The following AGBL4 variants were observed in gnomAD, a reference collection of about 807,000 sequenced individuals.
AGBL4 encodes the protein cytosolic carboxypeptidase 6.
AGBL4 carries 58 observed loss-of-function variants against 66.4 expected under a neutral mutation model. The ratio of observed to expected loss-of-function variants is 0.87; its 90% CI spans 0.71 to 1.09. AGBL4 has a LOEUF of 1.09. AGBL4 is among the 50% of genes least tolerant of loss of function. The pLI, the probability that AGBL4 is intolerant of heterozygous loss-of-function variation, is 0.00. For missense variants in AGBL4, 579 were observed against 631.0 expected, an observed-to-expected ratio of 0.92 and a Z score of 0.88; for synonymous variants, 234 against 222.9, an observed-to-expected ratio of 1.05 and a Z score of -0.44.
At chr1:48,579,373 GC>G (rs1644701596) in intron 11 of AGBL4, among the ~76,000 whole-genome samples, 1 of 151,506 alleles carries the variant, frequency 6.6e-6, no homozygotes, top group South Asian at 2.1e-4. Flanking sequence ...GATTACAGGG[GC>G]CCGCCAACAA....
At chr1:48,633,774 C>G (rs890628707) in intron 9 of AGBL4, among the ~76,000 whole-genome samples, 10 of 152,232 alleles carry the variant, frequency 6.6e-5, no homozygotes, top group African/African-American at 2.4e-4. Context: ...CTGTTTCTTA[C>G]AAACAAGAAC....
At chr1:48,780,231 C>T (rs1228972388) in intron 6 of AGBL4, among the ~76,000 whole-genome samples, 4 of 146,888 alleles carry the variant, frequency 2.7e-5, no homozygotes, top group African/African-American at 7.6e-5. Flanking sequence ...TTCCCCTCCC[C>T]GTATCTATGT....
At chr1:49,730,128 G>A (rs1649325334) in intron 2 of AGBL4, among the ~76,000 whole-genome samples, 1 of 151,998 alleles carries the variant, frequency 6.6e-6, no homozygotes, top group African/African-American at 2.4e-5. Context: ...CTCACTTCTG[G>A]GCCTCCTCTC....
chr1:49,877,828 A>T (rs1443816685), intron 1 of AGBL4, among the ~76,000 whole-genome samples: 2 of 151,518 alleles, frequency 1.3e-5, no homozygotes, highest in Non-Finnish European at 2.9e-5. Context: ...TTATTGCCAC[A>T]ATTTCAGCTC....
intron 3 of AGBL4, among the ~76,000 whole-genome samples, chr1:49,641,858 C>T (rs1001145745): frequency 6.6e-6 from 1 of 151,946 alleles, no homozygotes; most frequent in African/African-American, 2.4e-5. Context: ...CTAACAAGCA[C>T]CTTGCACAAT....
Position 49,670,949 on chromosome 1 carries a change from C to G in AGBL4, c.282+26364G>C, listed in dbSNP as rs533415967. On this transcript the variant is annotated intron_variant, in intron 3 of 13. Coordinates refer to ENST00000371839, the MANE Select transcript of AGBL4 (RefSeq NM_032785.4). ...CAGATTCAATGCTATTTCTATCAAA[C>G]TACCAATGGCATTCTTCACAGAACT... 4.6e-5 allele frequency among the ~76,000 whole-genome samples: 7 copies of G among 152,300 alleles called. No individual in the cohort carries two copies. In the South Asian group the frequency reaches 1.2e-3, roughly 27 times the overall value.
At chr1:49,897,800 C>T (rs1649372823) in intron 1 of AGBL4, among the ~76,000 whole-genome samples, 1 of 151,790 alleles carries the variant, frequency 6.6e-6, no homozygotes, top group South Asian at 2.1e-4. Context: ...GAATAGACAA[C>T]CCAGAAATAA....
intron 4 of AGBL4, among the ~76,000 whole-genome samples, chr1:49,057,229 T>A (rs771559919): frequency 5.3e-5 from 8 of 152,078 alleles, no homozygotes; most frequent in Non-Finnish European, 1.2e-4. Flanking sequence ...GGCAAAATCC[T>A]GTCTCTACCA....
At chr1:48,817,959 G>A (rs1362309612) in intron 6 of AGBL4, 2 of 670,696 alleles carry the variant, frequency 3.0e-6, no homozygotes, top group Non-Finnish European at 5.5e-6. Context: ...ATACGTTCCT[G>A]TTTGTCCAGA....
rs375616268 is a variant in AGBL4 at position 49,852,685 on chromosome 1, C to G, written c.35-1167G>C. Among the ~76,000 whole-genome samples, 52 of 152,200 alleles carry G rather than the reference C, an allele frequency of 3.4e-4. 1 individual carries two copies. In the South Asian group the frequency reaches 9.6e-3, roughly 28 times the overall value. On this transcript the variant is annotated intron_variant, in intron 1 of 13. Transcript: ENST00000371839. ...GAAAAATCCTCTACACCTGAAGGAG[C>G]AGCAGGAAACATTCCCAGAGAATAC...
chr1:49,754,072 C>CAATTCATCAA (rs1391518321), intron 2 of AGBL4, among the ~76,000 whole-genome samples: 1 of 152,134 alleles, frequency 6.6e-6, no homozygotes, highest in Admixed American at 6.5e-5. Flanking sequence ...CTACTTCTGT[C>CAATTCATCAA]AATTCATCAA....
intron 3 of AGBL4, among the ~76,000 whole-genome samples, chr1:49,690,717 A>T (rs1411635881): frequency 6.6e-6 from 1 of 152,166 alleles, no homozygotes; most frequent in Non-Finnish European, 1.5e-5. Flanking sequence ...TGACAGAGCA[A>T]ATGAGAACCT....
chr1:49,261,509 C>T (rs1328226441), intron 3 of AGBL4, among the ~76,000 whole-genome samples: 1 of 149,502 alleles, frequency 6.7e-6, no homozygotes, highest in South Asian at 2.1e-4. Flanking sequence ...TTCTTATACA[C>T]CAATAACAGA....
intron 1 of AGBL4, among the ~76,000 whole-genome samples, chr1:49,931,873 G>C (rs946440917): frequency 6.6e-6 from 1 of 152,094 alleles, no homozygotes; most frequent in African/African-American, 2.4e-5. Flanking sequence ...GATATATTAT[G>C]AATTCACAGT....
At chr1:49,475,990 G>T (rs576391202) in intron 3 of AGBL4, among the ~76,000 whole-genome samples, 15 of 152,022 alleles carry the variant, frequency 9.9e-5, no homozygotes, top group African/African-American at 3.4e-4. Flanking sequence ...GTTTGTTTTT[G>T]TTCTAGTTGC....
chr1:49,812,146 G>C (rs1645115514), intron 2 of AGBL4, among the ~76,000 whole-genome samples: 1 of 152,078 alleles, frequency 6.6e-6, no homozygotes, highest in African/African-American at 2.4e-5. Context: ...AAATTCTTAA[G>C]AAAAAATAGA....
At chr1:48,709,803 C>T (rs925204880) in intron 6 of AGBL4, among the ~76,000 whole-genome samples, 10 of 151,910 alleles carry the variant, frequency 6.6e-5, no homozygotes, top group African/African-American at 2.2e-4. Flanking sequence ...GGGGTTTCAC[C>T]GTGTTAGCCG....
At chr1:48,805,351 G>A (rs1372032460) in intron 6 of AGBL4, among the ~76,000 whole-genome samples, 1 of 152,166 alleles carries the variant, frequency 6.6e-6, no homozygotes, top group African/African-American at 2.4e-5. Flanking sequence ...TTATTGTAAT[G>A]GCAGAACAAT....
At chr1:49,565,629 G>A (rs1389458220) in intron 3 of AGBL4, among the ~76,000 whole-genome samples, 1 of 152,090 alleles carries the variant, frequency 6.6e-6, no homozygotes. Context: ...TTGAATATTG[G>A]CCCCCACTCT....
Sources: gnomAD v4.1 joint callset for allele counts (sites outside exome capture counted in the v4.1 genomes callset) on GRCh38, gnomAD v4.1.1 for gene constraint, MANE v1.5 for transcripts, NCBI Gene and HGNC (gene_info 2026-07-23, HGNC 2026-07-21) for gene names.